The following ITGB5 variants were observed in gnomAD, a reference collection of about 807,000 sequenced individuals.
The protein encoded by ITGB5 is integrin subunit beta 5.
ITGB5 carries 38 observed loss-of-function variants against 84.8 expected under a neutral mutation model. The ratio of observed to expected loss-of-function variants is 0.45; its 90% CI spans 0.35 to 0.59. ITGB5 has a LOEUF of 0.59. ITGB5 is among the 20% of genes least tolerant of loss of function. ITGB5 has a pLI of 0.01. For missense variants in ITGB5, 905 were observed against 1,034.5 expected, an observed-to-expected ratio of 0.87 and a Z score of 1.72; for synonymous variants, 393 against 414.4, an observed-to-expected ratio of 0.95 and a Z score of 0.63.
At position 124,764,261 on chromosome 3, in the gene ITGB5, G is replaced by A. The variant is rs991265836; in HGVS notation, c.2304+130C>T. 43 of 938,632 alleles carry A rather than the reference G, an allele frequency of 4.6e-5. No homozygotes were observed. In the South Asian group the frequency reaches 4.9e-4, roughly 11 times the overall value. The allele number at this position is 938,632 out of a possible 1,614,324, so 58.1% of individuals were successfully genotyped here. ...CTCTCTCTCCAGAACTGGGCACAGC[G>A]TTTCTGGTGTTGATTCTTTTGTTTT... On this transcript the variant is annotated intron_variant, in intron 14 of 14. Transcript: ENST00000296181.
At chr3:124,875,752 G>A (rs1934281052) in intron 1 of ITGB5, among the ~76,000 whole-genome samples, 1 of 152,126 alleles carries the variant, frequency 6.6e-6, no homozygotes, top group Non-Finnish European at 1.5e-5. Flanking sequence ...GCAATCAACA[G>A]ACAGATGAAT....
chr3:124,799,212 T>C (rs2064278961), intron 9 of ITGB5, among the ~76,000 whole-genome samples: 1 of 151,956 alleles, frequency 6.6e-6, no homozygotes, highest in African/African-American at 2.4e-5. Flanking sequence ...TCTCTCAAGG[T>C]GAGTAAAGAT....
intron 11 of ITGB5, among the ~76,000 whole-genome samples, chr3:124,772,434 C>T (rs997032944): frequency 2.6e-5 from 4 of 152,162 alleles, no homozygotes; most frequent in African/African-American, 9.7e-5. Flanking sequence ...GCTGCAGGCG[C>T]AGGGAGCATG....
intron 5 of ITGB5, among the ~76,000 whole-genome samples, chr3:124,827,603 C>T (rs748008919): frequency 6.6e-6 from 1 of 152,068 alleles, no homozygotes; most frequent in Non-Finnish European, 1.5e-5. Flanking sequence ...ATGTAGAGAC[C>T]GGAACCCTCA....
At chr3:124,814,573 C>T (rs2064557846) in intron 8 of ITGB5, among the ~76,000 whole-genome samples, 1 of 151,964 alleles carries the variant, frequency 6.6e-6, no homozygotes, top group Non-Finnish European at 1.5e-5. Context: ...AACTCCCGGG[C>T]TCAGGCGATC....
At position 124,870,730 on chromosome 3, in the gene ITGB5, GA is replaced by G. The variant is rs1005362306; in HGVS notation, c.156+2715del. Among the ~76,000 whole-genome samples the G allele has an allele frequency of 5.3e-3, 400 of 75,464 alleles. 1 individual carries two copies. Among genetic ancestry groups the G allele is most frequent in the Middle Eastern group, 0.026 (3 of 116 alleles). 49.5% of individuals were successfully genotyped at this position (75,464 alleles called of 152,430 possible). On this transcript the variant is annotated intron_variant, in intron 2 of 14. Coordinates refer to ENST00000296181, the MANE Select transcript of ITGB5 (RefSeq NM_002213.5). The stretch of plus-strand genomic sequence containing the variant: ...TACAGAATGAGACCCCATCTCAAAA[GA>G]AAAAAAAAAAAAAAAACCCCAGTGG...
chr3:124,867,312 C>T (rs1211140616), intron 2 of ITGB5, among the ~76,000 whole-genome samples: 2 of 152,352 alleles, frequency 1.3e-5, no homozygotes, highest in African/African-American at 2.4e-5. Context: ...CAGTGGTGGC[C>T]TTGCCTAACC....
At chr3:124,792,001 C>A (rs1009914985) in intron 10 of ITGB5, 5 of 152,182 alleles carry the variant, frequency 3.3e-5, no homozygotes, top group African/African-American at 1.2e-4. Context: ...GTTATCAAGT[C>A]CTGCCTGGAG....
At chr3:124,873,707 T>G (rs1255202750) in intron 1 of ITGB5, among the ~76,000 whole-genome samples, 176 bp from the exon 2 acceptor site, 2 of 151,708 alleles carry the variant, frequency 1.3e-5, no homozygotes, top group African/African-American at 4.8e-5. Flanking sequence ...GAACATTGAG[T>G]TTTTGAAGCA....
In ITGB5 at chr3:124,845,389, G is replaced by A. The variant is rs563969863; in HGVS notation, c.611+2920C>T. On this transcript the variant is annotated intron_variant, in intron 4 of 14. Coordinates refer to ENST00000296181, the MANE Select transcript of ITGB5 (RefSeq NM_002213.5). ...ACACAGGATGCCGTGCTGCCTGGAC[G>A]TGGGGAGACAAAGCTCGGCCTGCTC... 4.6e-5 allele frequency among the ~76,000 whole-genome samples: 7 copies of A among 152,364 alleles called. No individual in the cohort carries two copies. In the East Asian group the frequency reaches 1.2e-3, roughly 25 times the overall value.
At position 124,809,168 on chromosome 3, in the gene ITGB5, G is replaced by C; in HGVS notation, c.1129-12C>G. 2 of 1,613,756 alleles carry C rather than the reference G, an allele frequency of 1.2e-6. No homozygotes were observed. The highest frequency in any genetic ancestry group is 1.1e-5 in the South Asian group (1 of 91,000). On this transcript the variant is annotated splice_polypyrimidine_tract_variant and intron_variant, in intron 8 of 14. Transcript: ENST00000296181. ...TTAGACCGGATACTCTGAATGGAGA[G>C]AGAAAATGAAGCCCAACCATTTAAT...
intron 2 of ITGB5, among the ~76,000 whole-genome samples, chr3:124,869,672 T>C (rs1463334261): frequency 2.6e-5 from 4 of 152,120 alleles, no homozygotes; most frequent in East Asian, 1.9e-4. Context: ...CCAAAGAAGA[T>C]GGGAAGCTGC....
Position 124,796,728 on chromosome 3 carries a change from G to A in ITGB5, c.1353C>T (p.Asp451=), listed in dbSNP as rs2064234164. ...TGTAGGTGACCCCCACCTCCAGGCT[G>A]TCCCGGAATCCCACCGGCCGCAGGG... is the stretch of plus-strand genomic sequence containing the variant. ...VFALRPVGFR[D]SLEVGVTYNC... The change falls in exon 10 of 15, where the codon GAC becomes GAT. Residue 451 remains aspartate, a synonymous_variant. Coordinates refer to ENST00000296181, the MANE Select transcript of ITGB5 (RefSeq NM_002213.5). 1 of 1,614,022 alleles carries A rather than the reference G, an allele frequency of 6.2e-7. No homozygotes were observed. Among genetic ancestry groups the A allele is most frequent in the Admixed American group, 1.7e-5 (1 of 60,006 alleles).
chr3:124,762,364 A>G lies in ITGB5; in HGVS notation c.*1259T>C, dbSNP rs1188163839. 6.6e-6 allele frequency: 1 copy of G among 152,040 alleles called. No homozygotes were observed. The highest frequency in any genetic ancestry group is 2.4e-5 in the African/African-American group (1 of 41,292). The allele number at this position is 152,040 out of a possible 1,614,324, so 9.4% of individuals were successfully genotyped here. ...GCCAGCATGAGATGGGGTCTTAGGA[A>G]CAGTTTGTCATTCAGTAACCTCCTA... On this transcript the variant is annotated 3_prime_UTR_variant, in exon 15 of 15. Coordinates refer to ENST00000296181, the MANE Select transcript of ITGB5 (RefSeq NM_002213.5).
At chr3:124,774,093 AC>A (rs1465368242) in intron 10 of ITGB5, among the ~76,000 whole-genome samples, 181 bp from the exon 11 acceptor site, 2 of 152,086 alleles carry the variant, frequency 1.3e-5, no homozygotes, top group Admixed American at 1.3e-4. Flanking sequence ...ACAGCAGGGG[AC>A]CCTGGCAGCG....
chr3:124,861,850 G>A (rs1417717460), intron 2 of ITGB5, among the ~76,000 whole-genome samples: 3 of 152,198 alleles, frequency 2.0e-5, no homozygotes, highest in African/African-American at 7.2e-5. Flanking sequence ...GTGAGCCAGT[G>A]CACCCGGCCT....
At chr3:124,817,494 G>C (rs1169004612) in intron 8 of ITGB5, 127 bp downstream of exon 8, 4 of 573,120 alleles carry the variant, frequency 7.0e-6, no homozygotes, top group Non-Finnish European at 1.2e-5. Flanking sequence ...CAAACTCAAG[G>C]GGATGGGGGA....
At chr3:124,873,010 T>A (rs1476803689) in intron 2 of ITGB5, among the ~76,000 whole-genome samples, 1 of 150,592 alleles carries the variant, frequency 6.6e-6, no homozygotes, top group Non-Finnish European at 1.5e-5. Context: ...AATCATTCCA[T>A]AAAGGCTAAT....
chr3:124,776,078 C>T (rs894138565), intron 10 of ITGB5, among the ~76,000 whole-genome samples: 11 of 152,328 alleles, frequency 7.2e-5, no homozygotes, highest in South Asian at 2.1e-4. Context: ...GACTCGGGCC[C>T]GGAGTCCGCT....
Sources: gnomAD v4.1 joint callset for allele counts (sites outside exome capture counted in the v4.1 genomes callset) on GRCh38, gnomAD v4.1.1 for gene constraint, MANE v1.5 for transcripts, NCBI Gene and HGNC (gene_info 2026-07-23, HGNC 2026-07-21) for gene names.